SUGCT: variants seen among roughly 807,000 people sequenced by gnomAD.
The protein encoded by SUGCT is succinyl-CoA:glutarate CoA-transferase.
Under a neutral mutation model 55.0 loss-of-function variants are expected in SUGCT, and 41 were observed. The observed-to-expected ratio is 0.74, with a 90% CI of 0.58 to 0.97. SUGCT has a LOEUF of 0.97. Ranked by LOEUF, SUGCT falls within the 50% of genes least tolerant of loss-of-function variation. SUGCT has a pLI of 0.00. For missense variants in SUGCT, 568 were observed against 547.8 expected (o/e 1.04, Z -0.37); for synonymous variants, 187 against 200.4 (o/e 0.93, Z 0.56).
At chr7:40,245,423 A>ATATATATATATATTTTTTTT (rs1344678220) in intron 7 of SUGCT, among the ~76,000 whole-genome samples, 1 of 54,592 alleles carries the variant, frequency 1.8e-5, no homozygotes, top group Non-Finnish European at 3.3e-5. Context: ...ATATATATAT[A>ATATATATATATATTTTTTTT]TTTTTTTTTT....
At chr7:40,909,578 A>G in the SUGCT span, among the ~76,000 whole-genome samples, 1 of 152,154 alleles carries the variant, frequency 6.6e-6, no homozygotes, top group Non-Finnish European at 1.5e-5. Flanking sequence ...GGGGGAGGCT[A>G]TTCTTAGACA....
chr7:40,274,732 T>A, intron 8 of SUGCT, 76 bp downstream of exon 8: 1 of 1,352,928 alleles, frequency 7.4e-7, no homozygotes, highest in East Asian at 2.3e-5. Flanking sequence ...TCAAATTCTA[T>A]GGTCACATGT....
intron 13 of SUGCT, among the ~76,000 whole-genome samples, chr7:40,851,014 C>A (rs1189627813): frequency 6.6e-6 from 1 of 152,146 alleles, no homozygotes; most frequent in Non-Finnish European, 1.5e-5. Context: ...ATTCTCACAG[C>A]TTTATATGAC....
At chr7:40,592,224 G>A (rs1229179884) in intron 12 of SUGCT, among the ~76,000 whole-genome samples, 2 of 152,048 alleles carry the variant, frequency 1.3e-5, no homozygotes, top group Non-Finnish European at 2.9e-5. Flanking sequence ...CATAATTATG[G>A]GCCGTCCAAT....
intron 12 of SUGCT, among the ~76,000 whole-genome samples, chr7:40,563,367 C>T (rs73308281): frequency 0.092 from 13,950 of 152,072 alleles, 677 homozygotes; most frequent in Middle Eastern, 0.11. Flanking sequence ...GACAGTTCTT[C>T]GGTATTTGGT....
chr7:40,956,932 G>A, the SUGCT span, among the ~76,000 whole-genome samples: 2 of 152,124 alleles, frequency 1.3e-5, no homozygotes, highest in South Asian at 2.1e-4. Flanking sequence ...GTGGTTTCGA[G>A]TGAGTTTCTT....
intron 12 of SUGCT, among the ~76,000 whole-genome samples, chr7:40,646,708 A>G (rs980377804): frequency 2.6e-5 from 4 of 152,126 alleles, no homozygotes; most frequent in Non-Finnish European, 4.4e-5. Context: ...GGCCTTCCCC[A>G]ACTACCCAAT....
chr7:40,730,232 T>C (rs1367775601), intron 12 of SUGCT, among the ~76,000 whole-genome samples: 1 of 152,112 alleles, frequency 6.6e-6, no homozygotes, highest in Admixed American at 6.6e-5. Flanking sequence ...CTCAGCCTCC[T>C]GAGTACCTGA....
In SUGCT at chr7:40,316,802, CA is replaced by C; in HGVS notation, c.767del (p.Lys256ArgfsTer27). The C allele has an allele frequency of 6.2e-7, 1 of 1,602,282 alleles. No homozygotes were observed. Among genetic ancestry groups the C allele is most frequent in the Non-Finnish European group, 8.5e-7 (1 of 1,173,950 alleles). Reference sequence around the variant, plus strand: ...CATAGCTGCAAATTATCTTATTGGTCAAAAGGAAGCAAAACGTTGGGGTACA... The same window carrying C: ...CATAGCTGCAAATTATCTTATTGGTCAAAGGAAGCAAAACGTTGGGGTACA... ...SHIAANYLIGQKEAKRWGTAH... is the reference protein window; with the variant it reads ...SHIAANYLIGXKEAKRWGTAH... On this transcript the variant is annotated frameshift_variant, in exon 9 of 14. Coordinates refer to ENST00000335693, the MANE Select transcript of SUGCT (RefSeq NM_001193313.2). LOFTEE classifies it high-confidence loss of function.
the SUGCT span, among the ~76,000 whole-genome samples, chr7:41,028,876 T>A: frequency 6.6e-6 from 1 of 152,186 alleles, no homozygotes; most frequent in Non-Finnish European, 1.5e-5. Flanking sequence ...AAAACTGGGA[T>A]ATCAATTGTG....
chr7:40,891,901 G>A, the SUGCT span, among the ~76,000 whole-genome samples: 65 of 152,090 alleles, frequency 4.3e-4, no homozygotes, highest in East Asian at 0.01. Flanking sequence ...CCAGCTACTC[G>A]GGAGGCTGAG....
At chr7:40,919,467 G>A in the SUGCT span, among the ~76,000 whole-genome samples, 2 of 152,092 alleles carry the variant, frequency 1.3e-5, no homozygotes, top group Admixed American at 6.5e-5. Context: ...CCCCAAACGG[G>A]GGGTTCTTAA....
At chr7:40,881,317 C>T in the SUGCT span, among the ~76,000 whole-genome samples, 6 of 152,168 alleles carry the variant, frequency 3.9e-5, no homozygotes, top group African/African-American at 1.2e-4. Context: ...TGCTCCCATT[C>T]CCTTTAAAGT....
the SUGCT span, among the ~76,000 whole-genome samples, chr7:41,010,223 A>T: frequency 1.3e-5 from 2 of 152,230 alleles, no homozygotes; most frequent in African/African-American, 4.8e-5. Context: ...GCTTGTTCAC[A>T]GTGGAGCCCC....
chr7:40,832,710 T>G, intron 13 of SUGCT, among the ~76,000 whole-genome samples: 1 of 151,264 alleles, frequency 6.6e-6, no homozygotes, highest in African/African-American at 2.4e-5. Flanking sequence ...AGTCTCACTC[T>G]GTCACCCAGG....
chr7:40,163,431 C>A (rs1264943877), intron 1 of SUGCT, among the ~76,000 whole-genome samples: 1 of 151,944 alleles, frequency 6.6e-6, no homozygotes, highest in Non-Finnish European at 1.5e-5. Flanking sequence ...CGGTGAAACC[C>A]CATCTCTACT....
chr7:40,975,284 C>T, the SUGCT span, among the ~76,000 whole-genome samples: 2 of 152,168 alleles, frequency 1.3e-5, no homozygotes, highest in Non-Finnish European at 2.9e-5. Flanking sequence ...AAGGATCATC[C>T]TCCTCACATG....
the SUGCT span, among the ~76,000 whole-genome samples, chr7:40,975,229 G>A: frequency 1.1e-4 from 16 of 152,096 alleles, no homozygotes; most frequent in African/African-American, 3.6e-4. Flanking sequence ...TTTCTTCATC[G>A]TGTTCTACAC....
chr7:40,412,911 T>C (rs1786772559), intron 9 of SUGCT, among the ~76,000 whole-genome samples: 2 of 152,224 alleles, frequency 1.3e-5, no homozygotes, highest in African/African-American at 4.8e-5. Context: ...TTCTGCCATA[T>C]TTATGTTAAA....
Sources: gnomAD v4.1 joint callset for allele counts (sites outside exome capture counted in the v4.1 genomes callset) on GRCh38, gnomAD v4.1.1 for gene constraint, MANE v1.5 for transcripts, NCBI Gene and HGNC (gene_info 2026-07-23, HGNC 2026-07-21) for gene names.